Variants in LEF1 observed in about 807,000 individuals in gnomAD.
The protein encoded by LEF1 is lymphoid enhancer-binding factor 1.
A neutral mutation model predicts 51.2 loss-of-function variants in LEF1; 14 were observed. That is an observed-to-expected ratio of 0.27 (90% CI 0.18 to 0.43). The LOEUF (loss-of-function observed/expected upper bound fraction) is 0.43, where lower values mean the gene tolerates loss of function less well. Ranked by LOEUF, LEF1 falls within the 20% of genes least tolerant of loss-of-function variation. The pLI is 1.00. For missense variants in LEF1, 386 were observed against 512.0 expected (o/e 0.75, Z 2.37); for synonymous variants, 185 against 183.2 (o/e 1.01, Z -0.08).
intron 3 of LEF1, among the ~76,000 whole-genome samples, chr4:108,156,369 C>G (rs139619047): frequency 7.2e-5 from 11 of 152,300 alleles, no homozygotes. Context: ...TCTAATGCTA[C>G]TTTATTCACC....
At chr4:108,112,343 T>C (rs1741583632) in intron 3 of LEF1, among the ~76,000 whole-genome samples, 1 of 152,206 alleles carries the variant, frequency 6.6e-6, no homozygotes, top group South Asian at 2.1e-4. Flanking sequence ...GCATGCCCCA[T>C]GCCTGGGGTA....
intron 11 of LEF1, among the ~76,000 whole-genome samples, chr4:108,054,966 G>T (rs1737224595): frequency 6.6e-6 from 1 of 152,204 alleles, no homozygotes; most frequent in African/African-American, 2.4e-5. Flanking sequence ...CACTCATCTG[G>T]CTCTCAGTAA....
Position 108,167,421 on chromosome 4 carries a change from C to T in LEF1, c.213+134G>A. 3 of 776,444 alleles carry T rather than the reference C, an allele frequency of 3.9e-6. No individual in the cohort carries two copies. The highest frequency in any genetic ancestry group is 6.3e-6 in the Non-Finnish European group (3 of 472,780). The allele number at this position is 776,444 out of a possible 1,614,324, so 48.1% of individuals were successfully genotyped here. A position where few individuals can be genotyped will look rare whatever the true frequency, so the allele number is the denominator to read the frequency against. On this transcript the variant is annotated intron_variant, in intron 1 of 11. Transcript: ENST00000265165. This position sits in a 1 kb window ranked among gnomAD's most constrained non-coding sequence, Gnocchi z 5.7. ...TGCGGACCGGGGGCCCAGCTACGCACACACCCCAAAACAAACGAGGGATCT... is the reference window on the plus strand; with the variant it reads ...TGCGGACCGGGGGCCCAGCTACGCATACACCCCAAAACAAACGAGGGATCT...
At chr4:108,106,978 G>A (rs562782571) in intron 3 of LEF1, among the ~76,000 whole-genome samples, 4 of 152,210 alleles carry the variant, frequency 2.6e-5, no homozygotes, top group Non-Finnish European at 5.9e-5. Flanking sequence ...CAGCAGGTCA[G>A]ATACAAGCAT....
chr4:108,106,883 G>A (rs75471275), intron 3 of LEF1, among the ~76,000 whole-genome samples: 3,994 of 152,304 alleles, frequency 0.026, 160 homozygotes, highest in African/African-American at 0.091. Context: ...ACTTCTGTGA[G>A]TGCACAGAGA....
rs970156670 is a variant in LEF1, at chr4:108,085,234, G to A, written c.548-1788C>T. On this transcript the variant is annotated intron_variant, in intron 4 of 11. Transcript: ENST00000265165. The stretch of plus-strand genomic sequence containing the variant: ...CTCCTGAGTAGCCAGGTATATAGGC[G>A]CGTGCCACCATGCCCAATTTTATAT... Among the ~76,000 whole-genome samples, 99 of 152,266 alleles carry A rather than the reference G, an allele frequency of 6.5e-4. 1 individual carries two copies. The highest frequency in any genetic ancestry group is 1.9e-3 in the African/African-American group (81 of 41,552).
At chr4:108,101,509 T>C (rs1449714877) in intron 3 of LEF1, among the ~76,000 whole-genome samples, 1 of 152,112 alleles carries the variant, frequency 6.6e-6, no homozygotes, top group African/African-American at 2.4e-5. Flanking sequence ...GAAGTAAAAA[T>C]AATTTAAGGG....
At chr4:108,108,904 ATGTG>A (rs1741347982) in intron 3 of LEF1, among the ~76,000 whole-genome samples, 1 of 152,154 alleles carries the variant, frequency 6.6e-6, no homozygotes, top group African/African-American at 2.4e-5. Flanking sequence ...GAGTTGACTT[ATGTG>A]TGTATTTCAT....
chr4:108,145,542 AT>A (rs1400297076), intron 3 of LEF1, among the ~76,000 whole-genome samples: 1 of 152,222 alleles, frequency 6.6e-6, no homozygotes, highest in Non-Finnish European at 1.5e-5. Context: ...TGAAATATCA[AT>A]TGATTTCACT....
At chr4:108,092,939 A>AAAAAAAAAAAAAAAAAAAAAAAAAAAAAC in intron 3 of LEF1, among the ~76,000 whole-genome samples, 1 of 90,670 alleles carries the variant, frequency 1.1e-5, no homozygotes, top group Non-Finnish European at 2.2e-5. Flanking sequence ...AAAAAAAAAA[A>AAAAAAAAAAAAAAAAAAAAAAAAAAAAAC]AAAAAAAAAA....
chr4:108,049,685 G>T (rs530415108), intron 11 of LEF1, among the ~76,000 whole-genome samples: 1 of 152,308 alleles, frequency 6.6e-6, no homozygotes, highest in African/African-American at 2.4e-5. Context: ...TTGTGCTTGT[G>T]ATTGTGCTAT....
rs73839820 is a variant in LEF1, at chr4:108,087,088, G to C, written c.547+2037C>G. Among the ~76,000 whole-genome samples, 866 of 152,188 alleles carry C rather than the reference G, an allele frequency of 5.7e-3. 12 individuals carry two copies. The highest frequency in any genetic ancestry group is 0.02 in the African/African-American group (837 of 41,508). ...GCAGCTCTGGCCTCAGTACCATCAT[G>C]CCCTAAGGCAGGAGAGAAAAAGAAT... On this transcript the variant is annotated intron_variant, in intron 4 of 11. Coordinates refer to ENST00000265165, the MANE Select transcript of LEF1 (RefSeq NM_016269.5).
intron 8 of LEF1, among the ~76,000 whole-genome samples, chr4:108,077,175 C>T (rs949261104): frequency 1.3e-5 from 2 of 149,900 alleles, no homozygotes. Context: ...CACATCTCTA[C>T]AAAATTTTTT....
At chr4:108,086,498 A>G (rs1282586006) in intron 4 of LEF1, among the ~76,000 whole-genome samples, 2 of 152,238 alleles carry the variant, frequency 1.3e-5, no homozygotes, top group African/African-American at 4.8e-5. Flanking sequence ...TAACTTCTAT[A>G]GACATAGGTG....
chr4:108,167,824 A>G lies in LEF1; in HGVS notation c.-57T>C. The G allele has an allele frequency of 4.7e-6, 7 of 1,478,618 alleles. No individual in the cohort carries two copies. The highest frequency in any genetic ancestry group is 1.4e-5 in the African/African-American group (1 of 72,584). 91.6% of individuals were successfully genotyped at this position (1,478,618 alleles called of 1,614,324 possible). A position where few individuals can be genotyped will look rare whatever the true frequency, so the allele number is the denominator to read the frequency against. On this transcript the variant is annotated 5_prime_UTR_variant, in exon 1 of 12. Transcript: ENST00000265165. This position sits in a 1 kb window ranked among gnomAD's most constrained non-coding sequence, Gnocchi z 5.7. ...GGGAGCACCCGCGCAACAGCAGGAA[A>G]GACAGAGGGGTAACTCAAGGGTGGG...
At chr4:108,068,334 A>C (rs2126272172) in intron 9 of LEF1, among the ~76,000 whole-genome samples, 1 of 152,328 alleles carries the variant, frequency 6.6e-6, no homozygotes, top group East Asian at 1.9e-4. Flanking sequence ...TAATCCACTC[A>C]GGAGGAGGAA....
At chr4:108,137,525 GA>G (rs1412152526) in intron 3 of LEF1, among the ~76,000 whole-genome samples, 1 of 152,196 alleles carries the variant, frequency 6.6e-6, no homozygotes, top group Non-Finnish European at 1.5e-5. Flanking sequence ...AAGTGGCACT[GA>G]TTTGTTGGCA....
intron 3 of LEF1, among the ~76,000 whole-genome samples, chr4:108,091,755 A>G (rs2110272886): frequency 6.6e-6 from 1 of 152,298 alleles, no homozygotes; most frequent in South Asian, 2.1e-4. Flanking sequence ...AATACATGGA[A>G]TTTAGAATGC....
intron 3 of LEF1, among the ~76,000 whole-genome samples, chr4:108,160,512 A>G (rs569995633): frequency 6.6e-6 from 1 of 152,304 alleles, no homozygotes; most frequent in South Asian, 2.1e-4. Flanking sequence ...GACCCAATTT[A>G]TCTGAACTAA....
Sources: allele counts gnomAD v4.1 joint callset (sites outside exome capture counted in the v4.1 genomes callset), GRCh38; gene constraint gnomAD v4.1.1; non-coding constraint Gnocchi (gnomAD v3.1); transcripts MANE v1.5; gene names NCBI Gene and HGNC (gene_info 2026-07-23, HGNC 2026-07-21).